Variants in ARHGAP29 observed in about 807,000 individuals in gnomAD.
ARHGAP29 encodes the protein rho GTPase-activating protein 29.
Under a neutral mutation model 122.6 loss-of-function variants are expected in ARHGAP29, and 43 were observed. The ratio of observed to expected loss-of-function variants is 0.35; its 90% CI spans 0.27 to 0.45. The LOEUF (loss-of-function observed/expected upper bound fraction) is 0.45, where lower values mean the gene tolerates loss of function less well. ARHGAP29 is among the 20% of genes least tolerant of loss of function. The probability of loss-of-function intolerance (pLI) is 1.00; values close to 1 mark genes in which losing one functional copy is unlikely to be tolerated. For synonymous variants in ARHGAP29, 506 were observed against 497.1 expected, an observed-to-expected ratio of 1.02 and a Z score of -0.24; for missense variants, 1,303 against 1,477.2, an observed-to-expected ratio of 0.88 and a Z score of 1.93.
chr1:94,305,037 A>C, the ARHGAP29 span, among the ~76,000 whole-genome samples: 1 of 152,266 alleles, frequency 6.6e-6, no homozygotes, highest in Non-Finnish European at 1.5e-5. Flanking sequence ...AGAATATCTC[A>C]AAAAACAAAA....
At chr1:94,202,062 C>T (rs1650883600) in intron 11 of ARHGAP29, 1 of 491,676 alleles carries the variant, frequency 2.0e-6, no homozygotes, top group Non-Finnish European at 3.5e-6. Flanking sequence ...AATTAGTACA[C>T]TGTCTATAAA....
rs1649340434 is a variant in ARHGAP29, at chr1:94,179,828, A to G, written c.2377T>C (p.Cys793Arg). 6.2e-7 allele frequency: 1 copy of G among 1,613,228 alleles called. No individual in the cohort carries two copies. The highest frequency in any genetic ancestry group is 8.5e-7 in the Non-Finnish European group (1 of 1,179,646). ...AGAAGAATTCGGTTTATTTCTATAC[A>G]CATATTTGGCCATTTTTTGTCTTCA... ...SLEDKKWPNMCIEINRILLKS... is the reference protein window; with the variant it reads ...SLEDKKWPNMRIEINRILLKS... The change falls in exon 20 of 23, where the codon TGT (cysteine) becomes CGT (arginine). Residue 793 changes from cysteine to arginine, a missense_variant. Physicochemically the swap from Cys to Arg is radical, Grantham distance 180 (BLOSUM62 -3). Transcript: ENST00000260526.
chr1:94,195,986 A>C (rs917698041), intron 12 of ARHGAP29: 1 of 152,202 alleles, frequency 6.6e-6, no homozygotes. Context: ...GAGCTTCAAA[A>C]TACATAAAAC....
At chr1:94,287,323 G>A in the ARHGAP29 span, among the ~76,000 whole-genome samples, 2 of 152,142 alleles carry the variant, frequency 1.3e-5, no homozygotes, top group Admixed American at 1.3e-4. Context: ...TCATGATAGT[G>A]AGTAACTTCT....
intron 3 of ARHGAP29, among the ~76,000 whole-genome samples, chr1:94,209,943 T>C (rs1399760797): frequency 6.6e-6 from 1 of 152,228 alleles, no homozygotes; most frequent in Non-Finnish European, 1.5e-5. Context: ...TAACAGGCTC[T>C]TGGGCTCTGA....
At chr1:94,237,297 G>C in intron 1 of ARHGAP29, 118 bp downstream of exon 1, 1 of 698,260 alleles carries the variant, frequency 1.4e-6, no homozygotes, top group Non-Finnish European at 1.8e-6. Flanking sequence ...CTTCCACTCG[G>C]GGCCGCCCCG....
chr1:94,299,937 C>A, the ARHGAP29 span, among the ~76,000 whole-genome samples: 1 of 152,088 alleles, frequency 6.6e-6, no homozygotes, highest in African/African-American at 2.4e-5. Flanking sequence ...TTTGCCTCTA[C>A]TGGGAGAACT....
chr1:94,179,836 G>C lies in ARHGAP29; in HGVS notation c.2369C>G (p.Pro790Arg). 1 of 1,613,090 alleles carries C rather than the reference G, an allele frequency of 6.2e-7. No homozygotes were observed. The change falls in exon 20 of 23, where the codon CCA becomes CGA. Residue 790 changes from proline to arginine, a missense_variant. Physicochemically the swap from Pro to Arg is moderately radical, Grantham distance 103. Transcript: ENST00000260526. ...TCGGTTTATTTCTATACACATATTT[G>C]GCCATTTTTTGTCTTCAAGACTATT... ...KKNSLEDKKW[P>R]NMCIEINRIL...
intron 2 of ARHGAP29, among the ~76,000 whole-genome samples, chr1:94,226,692 C>T (rs1652632486): frequency 6.6e-6 from 1 of 151,758 alleles, no homozygotes; most frequent in South Asian, 2.1e-4. Flanking sequence ...ATCTAATACA[C>T]CGAGAACTGG....
intron 20 of ARHGAP29, 37 bp downstream of exon 20, chr1:94,179,688 C>T (rs1649328705): frequency 6.1e-6 from 8 of 1,312,802 alleles, no homozygotes; most frequent in South Asian, 1.4e-5. Flanking sequence ...AAATCAATTG[C>T]CCATTAATAA....
At chr1:94,246,648 G>C (rs1402962780) in intron 1 of ARHGAP29, among the ~76,000 whole-genome samples, 1 of 152,112 alleles carries the variant, frequency 6.6e-6, no homozygotes, top group Admixed American at 6.5e-5. Flanking sequence ...AGATAAACTA[G>C]GACAAATCAG....
chr1:94,234,650 T>C lies in ARHGAP29; in HGVS notation c.-33+2765A>G, dbSNP rs1653137203. ...GCATACATCATTTCTAAAATGAATC[T>C]AGGGCAATTTTTGAGCATTATTATT... On this transcript the variant is annotated intron_variant, in intron 1 of 22. Transcript: ENST00000260526. 2.0e-5 allele frequency among the ~76,000 whole-genome samples: 3 copies of C among 152,230 alleles called. No individual in the cohort carries two copies. In the South Asian group the frequency reaches 6.2e-4, roughly 32 times the overall value.
rs762462057 is a variant in ARHGAP29, at chr1:94,174,331, T to C, written c.3324A>G (p.Thr1108=). ...GGTCCCCACTAATCTGGAGGCTTGT[T>C]GTCACTCCTTTTTCCTGGAGTGCAC... ...MPSALQEKGV[T]TSLQISGDHS... The change falls in exon 23 of 23, where the codon ACA becomes ACG. Residue 1108 remains threonine (T), a synonymous_variant. Transcript: ENST00000260526. 1 of 1,614,204 alleles carries C rather than the reference T, an allele frequency of 6.2e-7. No individual in the cohort carries two copies. Among genetic ancestry groups the C allele is most frequent in the Non-Finnish European group, 8.5e-7 (1 of 1,180,036 alleles).
chr1:94,269,514 G>C (rs1251640526), intron 1 of ARHGAP29, among the ~76,000 whole-genome samples: 2 of 152,140 alleles, frequency 1.3e-5, no homozygotes, highest in Non-Finnish European at 2.9e-5. Context: ...TGTCTGCTCT[G>C]AGATGGTAAT....
chr1:94,299,764 G>A, the ARHGAP29 span, among the ~76,000 whole-genome samples: 2 of 152,122 alleles, frequency 1.3e-5, no homozygotes, highest in African/African-American at 4.8e-5. Flanking sequence ...AGGGAGGAAG[G>A]GGAGGGGGTA....
chr1:94,203,970 A>C lies in ARHGAP29; in HGVS notation c.722T>G (p.Val241Gly). ...AGTTCTAGTTGCCTCTGCCAACTTG[A>C]CCATATTTCTAGTGGACTCCAATTC... ...NLELESTRNMVKLAEATRTNI... is the reference protein window; with the variant it reads ...NLELESTRNMGKLAEATRTNI... Residue 241 changes from valine (V) to glycine (G), a missense_variant, in exon 8 of 23, where the codon GTC becomes GGC. Coordinates refer to ENST00000260526, the MANE Select transcript of ARHGAP29 (RefSeq NM_004815.4). 1.9e-6 allele frequency: 3 copies of C among 1,613,884 alleles called. No homozygotes were observed. The highest frequency in any genetic ancestry group is 2.2e-5 in the South Asian group (2 of 91,064).
the ARHGAP29 span, among the ~76,000 whole-genome samples, chr1:94,280,831 T>G: frequency 6.6e-6 from 1 of 152,182 alleles, no homozygotes; most frequent in Non-Finnish European, 1.5e-5. Flanking sequence ...AACTCAATTC[T>G]CAAACTATTA....
the ARHGAP29 span, among the ~76,000 whole-genome samples, chr1:94,293,176 C>T: frequency 2.5e-4 from 38 of 152,240 alleles, 2 homozygotes; most frequent in East Asian, 7.7e-4. Context: ...CTACTCAAGC[C>T]TCAGCAATGG....
chr1:94,280,662 G>A, the ARHGAP29 span, among the ~76,000 whole-genome samples: 1 of 152,146 alleles, frequency 6.6e-6, no homozygotes, highest in Non-Finnish European at 1.5e-5. Context: ...GAAATGCATG[G>A]CTGTATAAAT....
Sources: allele counts gnomAD v4.1 joint callset (sites outside exome capture counted in the v4.1 genomes callset), GRCh38; gene constraint gnomAD v4.1.1; transcripts MANE v1.5; gene names NCBI Gene and HGNC (gene_info 2026-07-23, HGNC 2026-07-21).